Variants in ADAMTS6 observed in about 807,000 individuals in gnomAD.
ADAMTS6 encodes the protein ADAM metallopeptidase with thrombospondin type 1 motif 6, also known as A disintegrin and metalloproteinase with thrombospondin motifs 6.
Under a neutral mutation model 144.3 loss-of-function variants are expected in ADAMTS6, and 23 were observed. The observed-to-expected ratio is 0.16, with a 90% confidence interval of 0.11 to 0.23. ADAMTS6 has a LOEUF of 0.23. Ranked by LOEUF, ADAMTS6 falls within the 10% of genes least tolerant of loss-of-function variation. The pLI is 1.00. For synonymous variants in ADAMTS6, 444 were observed against 457.5 expected (o/e 0.97, Z 0.38); for missense variants, 999 against 1,379.6 (o/e 0.72, Z 4.37).
intron 7 of ADAMTS6, among the ~76,000 whole-genome samples, chr5:65,395,632 C>A (rs1032293083): frequency 2.0e-5 from 3 of 152,126 alleles, no homozygotes; most frequent in Non-Finnish European, 4.4e-5. Flanking sequence ...ACTAACCATG[C>A]CTCCCCAACC....
At chr5:65,281,175 G>C (rs1204789955) in intron 11 of ADAMTS6, among the ~76,000 whole-genome samples, 1 of 152,054 alleles carries the variant, frequency 6.6e-6, no homozygotes, top group Non-Finnish European at 1.5e-5. Context: ...ATTTGTTTCA[G>C]TTCTAACTAG....
At chr5:65,216,726 C>G (rs1756944523) in intron 18 of ADAMTS6, among the ~76,000 whole-genome samples, 1 of 150,688 alleles carries the variant, frequency 6.6e-6, no homozygotes, top group Non-Finnish European at 1.5e-5. Context: ...ACAAAAAACT[C>G]AGAAAAAATA....
chr5:65,176,172 T>C (rs1237612017), intron 22 of ADAMTS6, among the ~76,000 whole-genome samples: 1 of 152,162 alleles, frequency 6.6e-6, no homozygotes, highest in Non-Finnish European at 1.5e-5. Context: ...TGGGAAGTTC[T>C]TGTCCTGAAA....
intron 7 of ADAMTS6, among the ~76,000 whole-genome samples, chr5:65,448,731 G>A (rs1420460047): frequency 3.3e-5 from 5 of 152,134 alleles, no homozygotes; most frequent in Middle Eastern, 3.4e-3. Context: ...GGAATTACAG[G>A]TGTGAGCCAC....
chr5:65,178,563 T>A (rs887680934), intron 22 of ADAMTS6, among the ~76,000 whole-genome samples: 4 of 152,200 alleles, frequency 2.6e-5, no homozygotes, highest in Non-Finnish European at 5.9e-5. Context: ...AAATGGCAGC[T>A]GGAGTTTTAA....
intron 4 of ADAMTS6, among the ~76,000 whole-genome samples, chr5:65,459,872 T>C (rs368753516): frequency 6.6e-6 from 1 of 152,184 alleles, no homozygotes; most frequent in Non-Finnish European, 1.5e-5. Flanking sequence ...AGTACTACAG[T>C]ATAACTGTGC....
intron 14 of ADAMTS6, chr5:65,251,688 A>G (rs1191637594): frequency 6.6e-6 from 1 of 152,216 alleles, no homozygotes; most frequent in Non-Finnish European, 1.5e-5. Context: ...TCCTGATGCA[A>G]CTAATCAGCC....
At chr5:65,479,176 G>A (rs1761039001) in intron 1 of ADAMTS6, among the ~76,000 whole-genome samples, 1 of 151,952 alleles carries the variant, frequency 6.6e-6, no homozygotes, top group African/African-American at 2.4e-5. Flanking sequence ...CTCCTTTCAG[G>A]TGTTTAATTT....
At chr5:65,326,556 A>T (rs773606103) in intron 9 of ADAMTS6, among the ~76,000 whole-genome samples, 1 of 152,194 alleles carries the variant, frequency 6.6e-6, no homozygotes, top group Non-Finnish European at 1.5e-5. Context: ...ACACAATTTA[A>T]AGAAAGGGAG....
intron 7 of ADAMTS6, among the ~76,000 whole-genome samples, chr5:65,371,455 C>T (rs1051282502): frequency 6.7e-4 from 101 of 151,864 alleles, no homozygotes; most frequent in Non-Finnish European, 1.1e-3. Context: ...AACCAAGGCT[C>T]GAGAACTACG....
At chr5:65,390,956 T>G (rs1255234344) in intron 7 of ADAMTS6, among the ~76,000 whole-genome samples, 1 of 108,742 alleles carries the variant, frequency 9.2e-6, no homozygotes, top group African/African-American at 4.8e-5. Context: ...TTTTGAGGGT[T>G]TTTTTTTTTT....
intron 7 of ADAMTS6, among the ~76,000 whole-genome samples, chr5:65,387,699 T>A (rs1752588546): frequency 2.0e-5 from 3 of 152,118 alleles, no homozygotes; most frequent in African/African-American, 7.2e-5. Context: ...TCATGTGGAT[T>A]TTCATGGGTC....
At chr5:65,401,033 A>G (rs1320357749) in intron 7 of ADAMTS6, among the ~76,000 whole-genome samples, 1 of 152,164 alleles carries the variant, frequency 6.6e-6, no homozygotes, top group Non-Finnish European at 1.5e-5. Context: ...CATCTCAGCC[A>G]TGTCTGCTTC....
intron 7 of ADAMTS6, among the ~76,000 whole-genome samples, chr5:65,376,616 G>C (rs1751576945): frequency 6.6e-6 from 1 of 152,066 alleles, no homozygotes; most frequent in African/African-American, 2.4e-5. Context: ...TGGATCAATT[G>C]CCTCAGGAAT....
rs77659148 is a variant in ADAMTS6, at chr5:65,276,333, T to A, written c.1513-2886A>T. Among the ~76,000 whole-genome samples, 1,174 of 152,304 alleles carry A rather than the reference T, an allele frequency of 7.7e-3. 9 individuals are homozygous for A. The highest frequency in any genetic ancestry group is 0.011 in the Non-Finnish European group (729 of 67,998). On this transcript the variant is annotated intron_variant, in intron 11 of 24. Transcript: ENST00000381055. ...TACAGTAAAATCACTGTTTAAAGTATGGGAGTGGAATTCTATGTTGAGGAA... is the reference window on the plus strand; with the variant it reads ...TACAGTAAAATCACTGTTTAAAGTAAGGGAGTGGAATTCTATGTTGAGGAA...
At chr5:65,422,371 C>T (rs1358787707) in intron 7 of ADAMTS6, among the ~76,000 whole-genome samples, 1 of 152,200 alleles carries the variant, frequency 6.6e-6, no homozygotes, top group Non-Finnish European at 1.5e-5. Flanking sequence ...GCGGCTCACG[C>T]CTGTAATCCC....
intron 18 of ADAMTS6, among the ~76,000 whole-genome samples, chr5:65,216,812 G>T (rs1463137123): frequency 9.4e-6 from 1 of 106,668 alleles, no homozygotes; most frequent in African/African-American, 3.9e-5. Context: ...CACACACACA[G>T]TTTAAAAGCA....
intron 9 of ADAMTS6, among the ~76,000 whole-genome samples, chr5:65,303,334 T>C (rs1244673109): frequency 1.3e-5 from 2 of 152,164 alleles, no homozygotes; most frequent in Admixed American, 6.5e-5. Flanking sequence ...TTCACATCTA[T>C]AGAAATTGAA....
intron 16 of ADAMTS6, among the ~76,000 whole-genome samples, 198 bp from the exon 17 acceptor site, chr5:65,225,245 A>G (rs984915901): frequency 1.3e-5 from 2 of 152,226 alleles, no homozygotes; most frequent in African/African-American, 2.4e-5. Flanking sequence ...CTTTTTCTTC[A>G]AGAAAATAAA....
Sources: allele counts gnomAD v4.1 joint callset (sites outside exome capture counted in the v4.1 genomes callset), GRCh38; gene constraint gnomAD v4.1.1; transcripts MANE v1.5; gene names NCBI Gene and HGNC (gene_info 2026-07-23, HGNC 2026-07-21).